The following UGT1A8 variants were observed in gnomAD, a reference collection of about 807,000 sequenced individuals.
The protein encoded by UGT1A8 is UDP-glucuronosyltransferase 1A8.
UGT1A8 carries 39 observed loss-of-function variants against 45.3 expected under a neutral mutation model. That is an observed-to-expected ratio of 0.86 (90% CI 0.67 to 1.12). The LOEUF (loss-of-function observed/expected upper bound fraction) is 1.12. Among genes scored for constraint, UGT1A8 ranks in the 50% most tolerant of loss-of-function variants. The pLI is 0.00. For synonymous variants in UGT1A8, 275 were observed against 249.2 expected (o/e 1.10, Z -0.97); for missense variants, 719 against 664.9 (o/e 1.08, Z -0.90).
intron 1 of UGT1A8, chr2:233,718,024 G>A (rs566004281): frequency 1.0e-5 from 4 of 386,248 alleles, no homozygotes; most frequent in South Asian, 1.9e-5. Context: ...CAGCTCCCCA[G>A]GTCCTTTGGT....
intron 1 of UGT1A8, chr2:233,747,538 CATTTTCTAAAAGTATGGCAATTT>C (rs1393766304): frequency 6.2e-7 from 1 of 1,604,248 alleles, no homozygotes; most frequent in East Asian, 2.2e-5. Flanking sequence ...TTTCTGAAGA[CATTTTCTAAAAGTATGGCAATTT>C]TGAAAAATTC....
Position 233,724,644 on chromosome 2 carries a change from G to T in UGT1A8, c.856-42390G>T, listed in dbSNP as rs1189293479. Among the ~76,000 whole-genome samples, 3 of 141,266 alleles carry T rather than the reference G, an allele frequency of 2.1e-5. 1 individual carries two copies. Among genetic ancestry groups the T allele is most frequent in the Admixed American group, 2.1e-4 (3 of 14,230 alleles). The allele number at this position is 141,266 out of a possible 152,430, so 92.7% of individuals were successfully genotyped here. A position where few individuals can be genotyped will look rare whatever the true frequency, so the allele number is the denominator to read the frequency against. ...CTCCTCACTTCCTAGATGTGATGGC[G>T]GCTGGGAAGAGGCGCTCCTCACTTC... On this transcript the variant is annotated intron_variant, in intron 1 of 4. Coordinates refer to ENST00000373450, the MANE Select transcript of UGT1A8 (RefSeq NM_019076.5).
chr2:233,632,074 C>T (rs1472493124), intron 1 of UGT1A8, among the ~76,000 whole-genome samples: 1 of 152,118 alleles, frequency 6.6e-6, no homozygotes, highest in Non-Finnish European at 1.5e-5. Flanking sequence ...TTTCCCAACA[C>T]CATTTATTAC....
Position 233,687,349 on chromosome 2 carries a change from A to G in UGT1A8, c.855+68787A>G, listed in dbSNP as rs1338618580. On this transcript the variant is annotated intron_variant, in intron 1 of 4. Transcript: ENST00000373450. ...TTCCCTTGAATGATTTAAACTTCAGATGGGTGGACTGTCTCCTTAGGGAGA... is the reference window on the plus strand; with the variant it reads ...TTCCCTTGAATGATTTAAACTTCAGGTGGGTGGACTGTCTCCTTAGGGAGA... Among the ~76,000 whole-genome samples the G allele has an allele frequency of 2.0e-5, 3 of 152,174 alleles. 1 individual carries two copies. Among genetic ancestry groups the G allele is most frequent in the Non-Finnish European group, 4.4e-5 (3 of 68,028 alleles).
At chr2:233,717,369 C>T (rs1261511605) in intron 1 of UGT1A8, among the ~76,000 whole-genome samples, 1 of 152,214 alleles carries the variant, frequency 6.6e-6, no homozygotes, top group Non-Finnish European at 1.5e-5. Context: ...GTTCTCAAGC[C>T]CTTACAGACC....
intron 1 of UGT1A8, among the ~76,000 whole-genome samples, chr2:233,665,022 A>G (rs1049106333): frequency 4.6e-5 from 7 of 152,198 alleles, no homozygotes; most frequent in Admixed American, 2.0e-4. Flanking sequence ...TGCTCTTAGT[A>G]GTTTTGTGTG....
chr2:233,714,820 C>T (rs543886758), intron 1 of UGT1A8, among the ~76,000 whole-genome samples: 1 of 152,254 alleles, frequency 6.6e-6, no homozygotes, highest in Admixed American at 6.5e-5. Context: ...TAGTTAGTGA[C>T]AACAATATGG....
chr2:233,712,871 C>T (rs1381753023), intron 1 of UGT1A8: 1 of 1,585,042 alleles, frequency 6.3e-7, no homozygotes, highest in African/African-American at 1.3e-5. Context: ...GGAGGGCACT[C>T]TGTCTTCAAT....
At chr2:233,663,274 C>T (rs1018961499) in intron 1 of UGT1A8, among the ~76,000 whole-genome samples, 3 of 152,114 alleles carry the variant, frequency 2.0e-5, no homozygotes, top group Non-Finnish European at 4.4e-5. Flanking sequence ...GTGTGGTAGA[C>T]CGGAGTTTTA....
At chr2:233,771,134 C>T (rs1700244933) in intron 4 of UGT1A8, 1 of 152,302 alleles carries the variant, frequency 6.6e-6, no homozygotes, top group Admixed American at 6.5e-5. Flanking sequence ...CCCCATGATC[C>T]AAACACCTCC....
intron 1 of UGT1A8, chr2:233,729,607 C>A (rs776036821): frequency 1.2e-6 from 2 of 1,613,986 alleles, no homozygotes; most frequent in South Asian, 2.2e-5. Context: ...CGCGGCAGTG[C>A]TGGCTAAGTA....
intron 1 of UGT1A8, among the ~76,000 whole-genome samples, chr2:233,701,500 G>C (rs2075632905): frequency 6.6e-6 from 1 of 152,066 alleles, no homozygotes; most frequent in Admixed American, 6.5e-5. Flanking sequence ...GGACCTAATA[G>C]ACATCTACAG....
intron 1 of UGT1A8, chr2:233,744,022 A>C (rs773777598): frequency 3.4e-4 from 328 of 975,622 alleles, no homozygotes; most frequent in East Asian, 3.5e-4. Context: ...GCCTGGAGAG[A>C]CGCCCCTTAT....
intron 1 of UGT1A8, among the ~76,000 whole-genome samples, chr2:233,730,912 AG>A (rs1229657899): frequency 1.3e-5 from 2 of 152,192 alleles, no homozygotes; most frequent in East Asian, 3.9e-4. Context: ...CAAAAATTTC[AG>A]AGGCAGCTTT....
At chr2:233,697,489 C>T (rs1191333347) in intron 1 of UGT1A8, among the ~76,000 whole-genome samples, 1 of 150,104 alleles carries the variant, frequency 6.7e-6, no homozygotes, top group Admixed American at 6.6e-5. Context: ...CAAGGTTTGC[C>T]AATTTTGTTT....
At chr2:233,761,066 T>G in intron 1 of UGT1A8, 1 of 1,614,188 alleles carries the variant, frequency 6.2e-7, no homozygotes, top group Non-Finnish European at 8.5e-7. Context: ...AGAAGTGACT[T>G]TGTGAAGGAT....
intron 1 of UGT1A8, among the ~76,000 whole-genome samples, chr2:233,678,542 TA>T (rs1410403740): frequency 6.6e-6 from 1 of 152,206 alleles, no homozygotes; most frequent in African/African-American, 2.4e-5. Context: ...TTGATGTATT[TA>T]AAAATGCTTT....
At chr2:233,713,260 A>G (rs2076298929) in intron 1 of UGT1A8, 4 of 1,614,086 alleles carry the variant, frequency 2.5e-6, no homozygotes, top group Non-Finnish European at 2.5e-6. Flanking sequence ...GACGAATTTG[A>G]TCGCCTTTTG....
intron 1 of UGT1A8, among the ~76,000 whole-genome samples, chr2:233,745,546 A>G (rs1693142103): frequency 6.6e-6 from 1 of 151,692 alleles, no homozygotes. Flanking sequence ...CACCAGAACA[A>G]ACTTCTAAGT....
Sources: allele counts gnomAD v4.1 joint callset (sites outside exome capture counted in the v4.1 genomes callset), GRCh38; gene constraint gnomAD v4.1.1; transcripts MANE v1.5; gene names NCBI Gene and HGNC (gene_info 2026-07-23, HGNC 2026-07-21).